Variants in CD59 observed in about 807,000 individuals in gnomAD.
CD59 encodes CD59 molecule (CD59 blood group).
In CD59, 3 loss-of-function variants were observed where a neutral mutation model predicts 7.0. The ratio of observed to expected loss-of-function variants is 0.43; its 90% CI spans 0.19 to 1.10. The LOEUF (loss-of-function observed/expected upper bound fraction) is 1.10. Among genes scored for constraint, CD59 ranks in the 50% least tolerant of loss-of-function variants. The pLI, the probability that CD59 is intolerant of heterozygous loss-of-function variation, is 0.29. For missense variants in CD59, 143 were observed against 151.0 expected (o/e 0.95, Z 0.28); for synonymous variants, 60 against 62.0 (o/e 0.97, Z 0.15).
chr11:33,717,015 CAGT>C (rs1453336089), intron 3 of CD59, among the ~76,000 whole-genome samples: 6 of 152,208 alleles, frequency 3.9e-5, no homozygotes, highest in African/African-American at 1.4e-4. Flanking sequence ...GCTGGGCACA[CAGT>C]AGGTTCTCCA....
intron 3 of CD59, among the ~76,000 whole-genome samples, chr11:33,712,822 T>A (rs1216900922): frequency 6.6e-6 from 1 of 152,220 alleles, no homozygotes; most frequent in Non-Finnish European, 1.5e-5. Context: ...GAACAGTGTA[T>A]AGAATGTGAC....
At chr11:33,730,824 A>C (rs1854395752) in intron 1 of CD59, among the ~76,000 whole-genome samples, 1 of 152,176 alleles carries the variant, frequency 6.6e-6, no homozygotes, top group Admixed American at 6.5e-5. Flanking sequence ...GAAGCAGAAA[A>C]AAGTCATGAT....
intron 1 of CD59, among the ~76,000 whole-genome samples, chr11:33,727,976 C>T (rs1204285968): frequency 2.0e-5 from 3 of 152,004 alleles, no homozygotes; most frequent in African/African-American, 7.2e-5. Flanking sequence ...ATGTGAAGGA[C>T]CTCTTCAGGG....
intron 3 of CD59, among the ~76,000 whole-genome samples, chr11:33,711,849 T>G (rs1055148523): frequency 6.6e-6 from 1 of 152,036 alleles, no homozygotes; most frequent in Non-Finnish European, 1.5e-5. Context: ...ATCAAGAAAA[T>G]GGTAAATAGC....
chr11:33,721,774 C>CTG (rs1854076622), intron 2 of CD59, among the ~76,000 whole-genome samples: 1 of 152,166 alleles, frequency 6.6e-6, no homozygotes, highest in Admixed American at 6.5e-5. Context: ...TGTACCACTT[C>CTG]TGTGTGTTAT....
intron 1 of CD59, among the ~76,000 whole-genome samples, chr11:33,724,296 T>G (rs549404135): frequency 6.6e-6 from 1 of 152,204 alleles, no homozygotes; most frequent in Non-Finnish European, 1.5e-5. Context: ...ACAGGGCCCC[T>G]GATGGGGAGC....
intron 3 of CD59, among the ~76,000 whole-genome samples, chr11:33,716,708 T>G (rs1853808495): frequency 6.6e-6 from 1 of 152,218 alleles, no homozygotes; most frequent in Admixed American, 6.5e-5. Flanking sequence ...TGGACAGGAC[T>G]TGTGCATGTT....
intron 2 of CD59, among the ~76,000 whole-genome samples, chr11:33,721,443 T>C (rs532325346): frequency 1.3e-5 from 2 of 152,280 alleles, no homozygotes; most frequent in African/African-American, 4.8e-5. Context: ...CATGCTACAG[T>C]GGTGTGGAAA....
chr11:33,722,678 C>T (rs1018642898), intron 1 of CD59: 2 of 1,362,986 alleles, frequency 1.5e-6, no homozygotes, highest in African/African-American at 2.9e-5. Flanking sequence ...TGTGTACTAC[C>T]ACACTGTGGG....
chr11:33,718,508 T>A (rs1853904922), intron 2 of CD59: 1 of 151,104 alleles, frequency 6.6e-6, no homozygotes, highest in Non-Finnish European at 1.5e-5. Flanking sequence ...TGCTATCTGG[T>A]CCTGTACAGA....
chr11:33,712,362 T>C lies in CD59; in HGVS notation c.170-2019A>G, dbSNP rs115107162. Among the ~76,000 whole-genome samples, 861 of 152,280 alleles carry C rather than the reference T, an allele frequency of 5.7e-3. 9 individuals are homozygous for C. Among genetic ancestry groups the C allele is most frequent in the African/African-American group, 0.02 (813 of 41,550 alleles). On this transcript the variant is annotated intron_variant, in intron 3 of 3. Transcript: ENST00000642928. ...TCATGGCACCATGATTCAAAATTGCTAAAAAGTGGAAACAACCCATATGTC... is the reference window on the plus strand; with the variant it reads ...TCATGGCACCATGATTCAAAATTGCCAAAAAGTGGAAACAACCCATATGTC...
At chr11:33,714,933 G>A (rs1188805698) in intron 3 of CD59, among the ~76,000 whole-genome samples, 2 of 149,158 alleles carry the variant, frequency 1.3e-5, no homozygotes, top group East Asian at 3.9e-4. Context: ...GCCTGCTGAG[G>A]CTGTTTTTTT....
rs938578474 is a variant in CD59 at position 33,708,547 on chromosome 11, T to C, written c.*1579A>G. 7.6e-6 allele frequency: 1 copy of C among 131,458 alleles called. No individual in the cohort carries two copies. The highest frequency in any genetic ancestry group is 2.9e-5 in the African/African-American group (1 of 34,150). 8.1% of individuals were successfully genotyped at this position (131,458 alleles called of 1,614,324 possible). ...CTCATTCCTTAGAACTCACATGAAA[T>C]GAGCTTCTTTGCTCAGCCGGTGGCT... is the stretch of plus-strand genomic sequence containing the variant. On this transcript the variant is annotated 3_prime_UTR_variant, in exon 4 of 4. Transcript: ENST00000642928.
intron 3 of CD59, among the ~76,000 whole-genome samples, chr11:33,713,996 G>A (rs1447737518): frequency 2.6e-5 from 4 of 152,166 alleles, no homozygotes; most frequent in East Asian, 1.9e-4. Context: ...TGTTCAGAAC[G>A]TCATTACAGC....
Position 33,706,073 on chromosome 11 carries a change from T to C in CD59, c.*4053A>G. 6.6e-6 allele frequency: 1 copy of C among 152,014 alleles called. No individual in the cohort carries two copies. Among genetic ancestry groups the C allele is most frequent in the South Asian group, 2.1e-4 (1 of 4,828 alleles). The allele number at this position is 152,014 out of a possible 1,614,324, so 9.4% of individuals were successfully genotyped here. Reference sequence around the variant, plus strand: ...TCACTACCCCACAGTAAAAAGAACCTTGAGTTTCCCAGTTCAGTCCCCTGC... The same window carrying C: ...TCACTACCCCACAGTAAAAAGAACCCTGAGTTTCCCAGTTCAGTCCCCTGC... On this transcript the variant is annotated 3_prime_UTR_variant, in exon 4 of 4. Coordinates refer to ENST00000642928, the MANE Select transcript of CD59 (RefSeq NM_000611.6).
intron 1 of CD59, among the ~76,000 whole-genome samples, chr11:33,731,240 CATATATA>C (rs139244709): frequency 0.033 from 4,975 of 151,690 alleles, 272 homozygotes; most frequent in African/African-American, 0.11. Context: ...TGTATATAAA[CATATATA>C]ATATATATTA....
At chr11:33,730,534 T>C (rs550521507) in intron 1 of CD59, among the ~76,000 whole-genome samples, 94 of 152,332 alleles carry the variant, frequency 6.2e-4, no homozygotes, top group African/African-American at 2.1e-3. Flanking sequence ...AAATCAACTA[T>C]AGTATATACT....
rs747756455 is a variant in CD59 at position 33,703,178 on chromosome 11, G to A, written c.*6948C>T. ...GCTTAATTATAACATAATCCATGAA[G>A]TTATAGCCAGGGGGTTAAATAAGAA... is the stretch of plus-strand genomic sequence containing the variant. On this transcript the variant is annotated 3_prime_UTR_variant, in exon 4 of 4. Transcript: ENST00000642928. The A allele has an allele frequency of 3.3e-5, 5 of 152,176 alleles. No homozygotes were observed. The highest frequency in any genetic ancestry group is 5.9e-5 in the Non-Finnish European group (4 of 68,044). The allele number at this position is 152,176 out of a possible 1,614,324, so 9.4% of individuals were successfully genotyped here. A position where few individuals can be genotyped will look rare whatever the true frequency, so the allele number is the denominator to read the frequency against.
chr11:33,710,242 T>C lies in CD59; in HGVS notation c.271A>G (p.Lys91Glu), dbSNP rs1853482212. 6.2e-7 allele frequency: 1 copy of C among 1,614,152 alleles called. No individual in the cohort carries two copies. The highest frequency in any genetic ancestry group is 1.3e-5 in the African/African-American group (1 of 75,042). The change falls in exon 4 of 4, where the codon AAG becomes GAG. Residue 91 changes from lysine (K) to glutamate (E), a missense_variant. Physicochemically the swap from Lys to Glu is moderately conservative, Grantham distance 56. Transcript: ENST00000642928. ...TGTTCGTTAAAGTTACACAGGTCCT[T>C]CTTGCAGCAGTAGTACGTTAGCTCA... ...ENELTYYCCK[K>E]DLCNFNEQLE...
Sources: gnomAD v4.1 joint callset for allele counts (sites outside exome capture counted in the v4.1 genomes callset) on GRCh38, gnomAD v4.1.1 for gene constraint, MANE v1.5 for transcripts, NCBI Gene and HGNC (gene_info 2026-07-23, HGNC 2026-07-21) for gene names.